The following SH3RF3 variants were observed in gnomAD, a reference collection of about 807,000 sequenced individuals.
The protein encoded by SH3RF3 is E3 ubiquitin-protein ligase SH3RF3.
Under a neutral mutation model 66.3 loss-of-function variants are expected in SH3RF3, and 29 were observed. That is an observed-to-expected ratio of 0.44 (90% CI 0.33 to 0.60). The LOEUF is 0.60. Ranked by LOEUF, SH3RF3 falls within the 20% of genes least tolerant of loss-of-function variation. The pLI, the probability that SH3RF3 is intolerant of heterozygous loss-of-function variation, is 0.04. For missense variants in SH3RF3, 1,194 were observed against 1,190.9 expected (o/e 1.00, Z -0.04); for synonymous variants, 583 against 532.0 (o/e 1.10, Z -1.32).
At chr2:109,404,971 C>G (rs956119379) in intron 4 of SH3RF3, among the ~76,000 whole-genome samples, 2 of 151,944 alleles carry the variant, frequency 1.3e-5, no homozygotes, top group African/African-American at 2.4e-5. Context: ...CCCCTCCTGC[C>G]AGACCCTCTT....
intron 2 of SH3RF3, among the ~76,000 whole-genome samples, chr2:109,358,984 A>AT (rs1018396262): frequency 4.6e-5 from 7 of 151,828 alleles, no homozygotes; most frequent in Non-Finnish European, 7.4e-5. Context: ...TTATTTCTAG[A>AT]TTTTTTGCAT....
rs1421055893 is a variant in SH3RF3 at position 109,285,032 on chromosome 2, G to A, written c.574-62642G>A. ...GGACGTTGTCTGTGCGCTGTGCCGC[G>A]GGGCCTCTGCTCCATGGCCGGCCAC... On this transcript the variant is annotated intron_variant, in intron 1 of 9. Coordinates refer to ENST00000309415, the MANE Select transcript of SH3RF3 (RefSeq NM_001099289.3). Among the ~76,000 whole-genome samples, 4 of 152,366 alleles carry A rather than the reference G, an allele frequency of 2.6e-5. No individual in the cohort carries two copies. The Middle Eastern group carries it at 0.01, about 389-fold the overall frequency.
At chr2:109,260,499 A>G (rs1680323639) in intron 1 of SH3RF3, among the ~76,000 whole-genome samples, 2 of 152,186 alleles carry the variant, frequency 1.3e-5, no homozygotes, top group African/African-American at 2.4e-5. Flanking sequence ...CCAGTTCCAT[A>G]CTTACCCTCT....
intron 8 of SH3RF3, among the ~76,000 whole-genome samples, chr2:109,472,084 T>G (rs1293218175): frequency 6.6e-6 from 1 of 152,254 alleles, no homozygotes; most frequent in African/African-American, 2.4e-5. Flanking sequence ...TCCCATCCTT[T>G]TCTAATTATT....
chr2:109,425,077 G>A (rs6753163), intron 5 of SH3RF3, among the ~76,000 whole-genome samples: 2,028 of 152,296 alleles, frequency 0.013, 45 homozygotes, highest in African/African-American at 0.047. Context: ...TTGCTGATAC[G>A]GAGAATGTTT....
intron 1 of SH3RF3, among the ~76,000 whole-genome samples, chr2:109,226,624 T>C (rs1227906117): frequency 6.6e-6 from 1 of 152,206 alleles, no homozygotes; most frequent in African/African-American, 2.4e-5. Context: ...TCCCCTTTCC[T>C]GAGTGTTTCT....
intron 1 of SH3RF3, among the ~76,000 whole-genome samples, chr2:109,307,950 G>T: frequency 7.6e-6 from 1 of 132,242 alleles, no homozygotes; most frequent in Non-Finnish European, 1.6e-5. Flanking sequence ...GTAATGGGAT[G>T]GCTGGGTCAA....
rs756084254 is a variant in SH3RF3 at position 109,371,666 on chromosome 2, G to A, written c.930G>A (p.Pro310=). ...TGGGAGACAAGATCGGGATCTTCCCGCTCCTGTACGTGGAGGTAAGACCGT... is the reference window on the plus strand; with the variant it reads ...TGGGAGACAAGATCGGGATCTTCCCACTCCTGTACGTGGAGGTAAGACCGT... ...GMLGDKIGIF[P]LLYVELNDSA... The change falls in exon 3 of 10, where the codon CCG becomes CCA. Residue 310 remains proline, a synonymous_variant. Transcript: ENST00000309415. 4.0e-5 allele frequency: 64 copies of A among 1,613,626 alleles called. No homozygotes were observed. The highest frequency in any genetic ancestry group is 1.7e-4 in the African/African-American group (13 of 74,908).
At chr2:109,384,850 C>T (rs1324866079) in intron 3 of SH3RF3, among the ~76,000 whole-genome samples, 1 of 152,192 alleles carries the variant, frequency 6.6e-6, no homozygotes, top group Non-Finnish European at 1.5e-5. Flanking sequence ...CCGATGGTTC[C>T]CATGTGGCTT....
intron 1 of SH3RF3, among the ~76,000 whole-genome samples, chr2:109,293,296 C>T (rs527369657): frequency 2.0e-5 from 3 of 151,990 alleles, no homozygotes; most frequent in Non-Finnish European, 2.9e-5. Context: ...CACTGCACTG[C>T]GAAGGAGTTT....
chr2:109,431,265 T>C (rs1367662179), intron 5 of SH3RF3, among the ~76,000 whole-genome samples: 3 of 152,196 alleles, frequency 2.0e-5, no homozygotes, highest in Admixed American at 6.5e-5. Context: ...CCTGCACTGG[T>C]GTGAGGTCCA....
chr2:109,316,835 G>A (rs192328422), intron 1 of SH3RF3, among the ~76,000 whole-genome samples: 114 of 152,326 alleles, frequency 7.5e-4, no homozygotes, highest in Middle Eastern at 3.4e-3. Flanking sequence ...TCTGGCTGCC[G>A]TGGGTCTTTG....
chr2:109,407,926 T>C (rs931238579), intron 4 of SH3RF3, among the ~76,000 whole-genome samples: 13 of 152,202 alleles, frequency 8.5e-5, no homozygotes, highest in African/African-American at 3.1e-4. Flanking sequence ...CCAATCACAG[T>C]GCAGGGTGCT....
At chr2:109,489,953 G>A (rs887158364) in intron 8 of SH3RF3, among the ~76,000 whole-genome samples, 7 of 152,196 alleles carry the variant, frequency 4.6e-5, no homozygotes, top group Admixed American at 4.6e-4. Context: ...GGCCAGGCTG[G>A]TCTCGAACTC....
chr2:109,435,723 C>T (rs756525893), intron 6 of SH3RF3, among the ~76,000 whole-genome samples: 11 of 152,226 alleles, frequency 7.2e-5, no homozygotes, highest in Non-Finnish European at 1.5e-4. Context: ...TTGTCAATAT[C>T]ACCTTGCAAA....
chr2:109,488,339 A>T (rs1397493138), intron 8 of SH3RF3, among the ~76,000 whole-genome samples: 1 of 152,172 alleles, frequency 6.6e-6, no homozygotes, highest in Non-Finnish European at 1.5e-5. Flanking sequence ...GTCTTCAGAC[A>T]TTGCCACCTG....
chr2:109,211,085 T>A (rs1410288865), intron 1 of SH3RF3, among the ~76,000 whole-genome samples: 1 of 152,168 alleles, frequency 6.6e-6, no homozygotes, highest in Admixed American at 6.5e-5. Context: ...ACCTTTTTGG[T>A]TAATATGCCC....
chr2:109,246,649 T>C (rs72935409), intron 1 of SH3RF3, among the ~76,000 whole-genome samples: 3,070 of 152,286 alleles, frequency 0.02, 111 homozygotes, highest in African/African-American at 0.069. Flanking sequence ...GCACGTGTCT[T>C]ATTTGACCTG....
intron 3 of SH3RF3, among the ~76,000 whole-genome samples, chr2:109,392,477 G>A (rs889101427): frequency 1.3e-5 from 2 of 152,038 alleles, no homozygotes; most frequent in Non-Finnish European, 2.9e-5. Context: ...AGGTAAAGTC[G>A]GCTTGGCCAG....
Sources: allele counts gnomAD v4.1 joint callset (sites outside exome capture counted in the v4.1 genomes callset), GRCh38; gene constraint gnomAD v4.1.1; transcripts MANE v1.5; gene names NCBI Gene and HGNC (gene_info 2026-07-23, HGNC 2026-07-21).